CYFIP2: variants seen among roughly 807,000 people sequenced by gnomAD.
CYFIP2 encodes the protein cytoplasmic FMR1 interacting protein 2, also known as cytoplasmic FMR1-interacting protein 2.
A neutral mutation model predicts 158.7 loss-of-function variants in CYFIP2; 29 were observed. That is an observed-to-expected ratio of 0.18 (90% CI 0.14 to 0.25). The LOEUF is 0.25. Ranked by LOEUF, CYFIP2 falls within the 10% of genes least tolerant of loss-of-function variation. The probability of loss-of-function intolerance (pLI) is 1.00; values close to 1 mark genes in which losing one functional copy is unlikely to be tolerated. For synonymous variants in CYFIP2, 585 were observed against 617.6 expected (o/e 0.95, Z 0.78); for missense variants, 852 against 1,639.5 (o/e 0.52, Z 8.29).
At chr5:157,315,140 C>G (rs750598639) in intron 13 of CYFIP2, 46 bp downstream of exon 13, 12 of 1,608,184 alleles carry the variant, frequency 7.5e-6, no homozygotes, top group Non-Finnish European at 1.0e-5. Context: ...AAGGCTGCAG[C>G]TCATGGTGGT....
chr5:157,279,511 C>T (rs1756824031), intron 1 of CYFIP2, among the ~76,000 whole-genome samples: 1 of 152,216 alleles, frequency 6.6e-6, no homozygotes, highest in South Asian at 2.1e-4. Flanking sequence ...ATGGGACCCA[C>T]CCCCCTCTTG....
Position 157,333,364 on chromosome 5 carries a change from C to G in CYFIP2, c.2303C>G (p.Thr768Ser), listed in dbSNP as rs1761624124. The G allele has an allele frequency of 6.2e-7, 1 of 1,613,850 alleles. No individual in the cohort carries two copies. The highest frequency in any genetic ancestry group is 1.3e-5 in the African/African-American group (1 of 74,914). Residue 768 changes from threonine (T) to serine (S), a missense_variant, in exon 21 of 31, where the codon ACC becomes AGC. This residue lies in a region of CYFIP2 where 191 missense variants were observed against 311.2 expected (regional missense o/e 0.61). Coordinates refer to ENST00000620254, the MANE Select transcript of CYFIP2 (RefSeq NM_001037333.3). Reference sequence around the variant, plus strand: ...TCAATTGACTTGAACAGACTCATTACCCAGCGCATCTCTGCCGCCATGTAT... The same window carrying G: ...TCAATTGACTTGAACAGACTCATTAGCCAGCGCATCTCTGCCGCCATGTAT... ...GRSIDLNRLI[T>S]QRISAAMYKS...
chr5:157,282,271 T>C (rs1757046329), intron 1 of CYFIP2, among the ~76,000 whole-genome samples: 1 of 152,186 alleles, frequency 6.6e-6, no homozygotes, highest in African/African-American at 2.4e-5. Context: ...TTATACCATA[T>C]GGTGGAAGCA....
At chr5:157,377,807 T>G (rs541018026) in intron 26 of CYFIP2, among the ~76,000 whole-genome samples, 2 of 152,182 alleles carry the variant, frequency 1.3e-5, no homozygotes, top group Non-Finnish European at 2.9e-5. Context: ...GAGAAAAATA[T>G]AGAGAACGTG....
At chr5:157,348,195 G>A (rs554798024) in intron 23 of CYFIP2, among the ~76,000 whole-genome samples, 2 of 152,372 alleles carry the variant, frequency 1.3e-5, no homozygotes, top group South Asian at 4.1e-4. Flanking sequence ...CCTGAAGGTG[G>A]CAGTGAAGGG....
intron 1 of CYFIP2, chr5:157,267,062 T>A (rs1755665723): frequency 6.6e-6 from 1 of 152,388 alleles, no homozygotes; most frequent in Admixed American, 6.5e-5. Context: ...TATGGCCCTC[T>A]ATATCCAGAA....
chr5:157,286,579 T>TATATATATATATATATA (rs1554106982), intron 2 of CYFIP2, among the ~76,000 whole-genome samples: 2 of 148,222 alleles, frequency 1.3e-5, no homozygotes, highest in African/African-American at 5.0e-5. Context: ...TATATATATA[T>TATATATATATATATATA]TTAGCCTTTC....
intron 26 of CYFIP2, among the ~76,000 whole-genome samples, chr5:157,378,995 C>T (rs537849681): frequency 2.0e-5 from 3 of 152,222 alleles, no homozygotes; most frequent in South Asian, 4.2e-4. Context: ...GAAAAACATC[C>T]TACTTGGCTC....
chr5:157,287,138 A>C, intron 3 of CYFIP2, 30 bp downstream of exon 3: 3 of 1,597,182 alleles, frequency 1.9e-6, no homozygotes, highest in South Asian at 1.1e-5. Context: ...GTGTGCAGAC[A>C]TGCTCCCTGC....
At chr5:157,389,902 G>T (rs372101491) in intron 29 of CYFIP2, among the ~76,000 whole-genome samples, 2 of 152,206 alleles carry the variant, frequency 1.3e-5, no homozygotes, top group Admixed American at 1.3e-4. Context: ...GGGGACACCT[G>T]CCCGGGTTGG....
Position 157,311,490 on chromosome 5 carries a change from T to C in CYFIP2, c.993-174T>C. ...GGAGGAAGGACTGTTCCATTAGGCC[T>C]GAAGCTCCCACAGTGTTGGACTTAG... On this transcript the variant is annotated intron_variant, in intron 10 of 30. Coordinates refer to ENST00000620254, the MANE Select transcript of CYFIP2 (RefSeq NM_001037333.3). This position sits in a 1 kb window ranked among gnomAD's most constrained non-coding sequence, Gnocchi z 4.7. 1 of 610,748 alleles carries C rather than the reference T, an allele frequency of 1.6e-6. No individual in the cohort carries two copies. Among genetic ancestry groups the C allele is most frequent in the Non-Finnish European group, 2.9e-6 (1 of 339,124 alleles). 37.8% of individuals were successfully genotyped at this position (610,748 alleles called of 1,614,324 possible).
intron 9 of CYFIP2, among the ~76,000 whole-genome samples, chr5:157,308,884 G>A (rs1759466303): frequency 1.3e-5 from 2 of 152,160 alleles, no homozygotes; most frequent in African/African-American, 2.4e-5. Context: ...TGTAAGTCTG[G>A]CTCTGCCACT....
At chr5:157,347,332 G>T (rs746675691) in intron 23 of CYFIP2, among the ~76,000 whole-genome samples, 1 of 149,930 alleles carries the variant, frequency 6.7e-6, no homozygotes, top group Non-Finnish European at 1.5e-5. Context: ...GAGCCGCCTT[G>T]GTGAGTTGTG....
intron 28 of CYFIP2, chr5:157,383,584 C>A: frequency 2.3e-6 from 1 of 444,138 alleles, no homozygotes; most frequent in Non-Finnish European, 4.1e-6. Flanking sequence ...ATGTATCCTG[C>A]CAACAAGTCG....
chr5:157,304,504 A>G, intron 8 of CYFIP2, 138 bp downstream of exon 8: 1 of 980,544 alleles, frequency 1.0e-6, no homozygotes, highest in Admixed American at 2.8e-5. Flanking sequence ...AATGGTTTGT[A>G]ACCTGTTCCT....
chr5:157,285,835 C>T (rs908814482), intron 2 of CYFIP2, among the ~76,000 whole-genome samples: 1 of 152,200 alleles, frequency 6.6e-6, no homozygotes, highest in African/African-American at 2.4e-5. Flanking sequence ...ACTTTTCCTT[C>T]ATGCATGTGA....
Position 157,361,719 on chromosome 5 carries a change from T to A in CYFIP2, c.3039+121T>A. ...TTTGAGTACAAGCTCACATGCTCTT[T>A]TCAGTTCATTTCCAGACAGACATGG... On this transcript the variant is annotated intron_variant, in intron 26 of 30. Coordinates refer to ENST00000620254, the MANE Select transcript of CYFIP2 (RefSeq NM_001037333.3). The surrounding 1 kb of genome is among the most constrained non-coding windows in gnomAD (Gnocchi z 4.4). The A allele has an allele frequency of 1.6e-6, 2 of 1,222,880 alleles. No individual in the cohort carries two copies. Among genetic ancestry groups the A allele is most frequent in the Non-Finnish European group, 2.3e-6 (2 of 882,936 alleles). 75.8% of individuals were successfully genotyped at this position (1,222,880 alleles called of 1,614,324 possible).
chr5:157,292,118 T>G (rs924022017), intron 3 of CYFIP2, among the ~76,000 whole-genome samples: 1 of 152,216 alleles, frequency 6.6e-6, no homozygotes, highest in African/African-American at 2.4e-5. Flanking sequence ...TTTGCCTATT[T>G]TCATCTAAAT....
chr5:157,311,679 G>T lies in CYFIP2; in HGVS notation c.1008G>T (p.Gln336His), dbSNP rs1374314708. The T allele has an allele frequency of 1.9e-6, 3 of 1,609,212 alleles. No individual in the cohort carries two copies. The highest frequency in any genetic ancestry group is 2.5e-6 in the Non-Finnish European group (3 of 1,177,872). ...TTCTACCCAGGTGGACGTGCACCCAGAGCAGCATCAGCCCCCAGTACAATA... is the reference window on the plus strand; with the variant it reads ...TTCTACCCAGGTGGACGTGCACCCATAGCAGCATCAGCCCCCAGTACAATA... Reference protein sequence around the residue: ...EENKSKWTCTQSSISPQYNIC... With the variant: ...EENKSKWTCTHSSISPQYNIC... The change falls in exon 11 of 31, where the codon CAG (glutamine) becomes CAT (histidine). Residue 336 changes from glutamine (Q) to histidine (H), a missense_variant. Gln to His is a conservative substitution (Grantham distance 24). Transcript: ENST00000620254. This position sits in a 1 kb window ranked among gnomAD's most constrained non-coding sequence, Gnocchi z 4.7.
Sources: gnomAD v4.1 joint callset for allele counts (sites outside exome capture counted in the v4.1 genomes callset) on GRCh38, gnomAD v4.1.1 for gene constraint, gnomAD v4.1.1 regional missense constraint, Gnocchi (gnomAD v3.1) non-coding constraint, MANE v1.5 for transcripts, NCBI Gene and HGNC (gene_info 2026-07-23, HGNC 2026-07-21) for gene names.